CYB5RL: variants seen among roughly 807,000 people sequenced by gnomAD.
CYB5RL encodes cytochrome b5 reductase like.
A neutral mutation model predicts 37.5 loss-of-function variants in CYB5RL; 38 were observed. The ratio of observed to expected loss-of-function variants is 1.01; its 90% CI spans 0.78 to 1.33. The LOEUF is 1.33. CYB5RL is among the 40% of genes most tolerant of loss of function. The probability of loss-of-function intolerance (pLI) is 0.00; values close to 1 mark genes in which losing one functional copy is unlikely to be tolerated. For synonymous variants in CYB5RL, 141 were observed against 151.9 expected (o/e 0.93, Z 0.53); for missense variants, 388 against 394.4 (o/e 0.98, Z 0.14).
At position 54,191,609 on chromosome 1, in the gene CYB5RL, TA is replaced by T. The variant is rs1643955020; in HGVS notation, c.199-714del. Among the ~76,000 whole-genome samples the T allele has an allele frequency of 2.0e-5, 3 of 152,290 alleles. 1 individual carries two copies. The South Asian group carries it at 6.2e-4, about 32-fold the overall frequency. Reference sequence around the variant, plus strand: ...TCACAGATCTTTCTTTCCTGTAAAATACTCCATTTACTCCTGGGACCCCTCA... The same window carrying T: ...TCACAGATCTTTCTTTCCTGTAAAATCTCCATTTACTCCTGGGACCCCTCA... On this transcript the variant is annotated intron_variant, in intron 3 of 7. Transcript: ENST00000534324.
chr1:54,197,837 C>T (rs539557657), intron 1 of CYB5RL, among the ~76,000 whole-genome samples: 96 of 151,832 alleles, frequency 6.3e-4, no homozygotes, highest in East Asian at 4.1e-3. Context: ...CTGGCTAACA[C>T]GGTGAAACCC....
In CYB5RL at chr1:54,171,294, G is replaced by C. The variant is rs773012769; in HGVS notation, c.*3325C>G. On this transcript the variant is annotated 3_prime_UTR_variant, in exon 8 of 8. Transcript: ENST00000534324. ...GGAGCCTGAGAGGTGGGTGTGAGTG[G>C]GCGGTGGCATACAAAAAGTCTGGAG... The C allele has an allele frequency of 4.4e-6, 2 of 456,268 alleles. No homozygotes were observed. The highest frequency in any genetic ancestry group is 8.8e-6 in the Non-Finnish European group (2 of 226,838). The allele number at this position is 456,268 out of a possible 1,614,324, so 28.3% of individuals were successfully genotyped here. A position where few individuals can be genotyped will look rare whatever the true frequency, so the allele number is the denominator to read the frequency against.
chr1:54,180,179 G>C, intron 6 of CYB5RL: 2 of 416,232 alleles, frequency 4.8e-6, no homozygotes, highest in Non-Finnish European at 9.4e-6. Flanking sequence ...AGAGGTTGCA[G>C]TGAGTCGAGA....
chr1:54,170,277 A>G lies in CYB5RL; in HGVS notation c.*4342T>C, dbSNP rs1182927076. 5 of 149,684 alleles carry G rather than the reference A, an allele frequency of 3.3e-5. No homozygotes were observed. The highest frequency in any genetic ancestry group is 9.9e-5 in the African/African-American group (4 of 40,482). 9.3% of individuals were successfully genotyped at this position (149,684 alleles called of 1,614,324 possible). A position where few individuals can be genotyped will look rare whatever the true frequency, so the allele number is the denominator to read the frequency against. ...ACCACCATGCCCAGCTAATTTTTCT[A>G]TCTGTAGTAGAGACAGGGTTTCACC... On this transcript the variant is annotated 3_prime_UTR_variant, in exon 8 of 8. Transcript: ENST00000534324.
intron 7 of CYB5RL, among the ~76,000 whole-genome samples, chr1:54,177,791 G>T (rs1236029844): frequency 6.6e-6 from 1 of 152,216 alleles, no homozygotes; most frequent in Non-Finnish European, 1.5e-5. Flanking sequence ...AGCCGTCTCT[G>T]TGGCTGTCAC....
chr1:54,182,344 T>C (rs1310267982), intron 6 of CYB5RL, among the ~76,000 whole-genome samples: 1 of 152,194 alleles, frequency 6.6e-6, no homozygotes, highest in African/African-American at 2.4e-5. Flanking sequence ...TTATTATACA[T>C]ATATACTACA....
Position 54,173,803 on chromosome 1 carries a change from G to C in CYB5RL, c.*816C>G, listed in dbSNP as rs1022858038. 6.6e-6 allele frequency: 1 copy of C among 152,604 alleles called. No homozygotes were observed. Among genetic ancestry groups the C allele is most frequent in the South Asian group, 2.1e-4 (1 of 4,826 alleles). The allele number at this position is 152,604 out of a possible 1,614,324, so 9.5% of individuals were successfully genotyped here. A position where few individuals can be genotyped will look rare whatever the true frequency, so the allele number is the denominator to read the frequency against. On this transcript the variant is annotated 3_prime_UTR_variant, in exon 8 of 8. Transcript: ENST00000534324. ...TTCCTGGGGTGGGTGGACCGTGATCGGCAGCCGCTCAGTGGGACAAGCTGG... is the reference window on the plus strand; with the variant it reads ...TTCCTGGGGTGGGTGGACCGTGATCCGCAGCCGCTCAGTGGGACAAGCTGG...
chr1:54,189,995 T>G (rs910097665), intron 4 of CYB5RL, among the ~76,000 whole-genome samples: 1 of 152,198 alleles, frequency 6.6e-6, no homozygotes, highest in Non-Finnish European at 1.5e-5. Flanking sequence ...TGCACACATT[T>G]TCCCAAATGC....
intron 1 of CYB5RL, among the ~76,000 whole-genome samples, chr1:54,198,575 C>T (rs1644037707): frequency 6.6e-6 from 1 of 151,244 alleles, no homozygotes; most frequent in South Asian, 2.1e-4. Context: ...TCGTGATCCA[C>T]CTGCCTCGGC....
chr1:54,194,936 G>C (rs1366181014), intron 3 of CYB5RL, among the ~76,000 whole-genome samples: 1 of 152,212 alleles, frequency 6.6e-6, no homozygotes, highest in Admixed American at 6.5e-5. Flanking sequence ...GCTTAGTCCA[G>C]ACTATGAAGT....
rs1389052754 is a variant in CYB5RL at position 54,197,695 on chromosome 1, G to A, written c.-222-1204C>T. ...GGGTTTTCTCACTCTCAGTTGTTAG[G>A]GACAATCTGGCCCCTTTCCTAAATT... On this transcript the variant is annotated intron_variant, in intron 1 of 7. Coordinates refer to ENST00000534324, the MANE Select transcript of CYB5RL (RefSeq NM_001031672.4). 3.3e-5 allele frequency among the ~76,000 whole-genome samples: 5 copies of A among 152,056 alleles called. No homozygotes were observed. In the South Asian group the frequency reaches 8.3e-4, roughly 25 times the overall value.
rs1236506358 is a variant in CYB5RL at position 54,187,648 on chromosome 1, T to C, written c.435+4A>G. Reference sequence around the variant, plus strand: ...TCTTGGAGCATCCTCAAGGGTCAACTCACCTTAATTAACACTTCAAAGTAT... The same window carrying C: ...TCTTGGAGCATCCTCAAGGGTCAACCCACCTTAATTAACACTTCAAAGTAT... On this transcript the variant is annotated splice_donor_region_variant and intron_variant, in intron 5 of 7. Transcript: ENST00000534324. 1 of 1,613,750 alleles carries C rather than the reference T, an allele frequency of 6.2e-7. No homozygotes were observed. The highest frequency in any genetic ancestry group is 8.5e-7 in the Non-Finnish European group (1 of 1,179,760).
chr1:54,182,027 T>C (rs1020669494), intron 6 of CYB5RL, among the ~76,000 whole-genome samples: 1 of 152,084 alleles, frequency 6.6e-6, no homozygotes, highest in Non-Finnish European at 1.5e-5. Context: ...CCACAAGGCA[T>C]TGGGAGGCTC....
chr1:54,175,721 C>A, intron 7 of CYB5RL: 1 of 418,138 alleles, frequency 2.4e-6, no homozygotes, highest in Non-Finnish European at 4.8e-6. Flanking sequence ...AATAGAAACA[C>A]ACAAAAAATA....
chr1:54,191,516 G>A (rs758731638), intron 3 of CYB5RL, among the ~76,000 whole-genome samples: 1 of 152,162 alleles, frequency 6.6e-6, no homozygotes, highest in Non-Finnish European at 1.5e-5. Flanking sequence ...CTAAGTCTCA[G>A]CCCACTGCCT....
At position 54,174,232 on chromosome 1, in the gene CYB5RL, G is replaced by A. The variant is rs935322559; in HGVS notation, c.*387C>T. 4.9e-5 allele frequency: 13 copies of A among 267,984 alleles called. No homozygotes were observed. The highest frequency in any genetic ancestry group is 7.4e-5 in the Non-Finnish European group (10 of 134,818). 16.6% of individuals were successfully genotyped at this position (267,984 alleles called of 1,614,324 possible). A position where few individuals can be genotyped will look rare whatever the true frequency, so the allele number is the denominator to read the frequency against. ...AATCCGAGATGGTGCTGAGGCCACA[G>A]TTGGAGCCCCCATTAGATCCTCTAA... On this transcript the variant is annotated 3_prime_UTR_variant, in exon 8 of 8. Transcript: ENST00000534324.
Position 54,184,129 on chromosome 1 carries a change from A to G in CYB5RL, c.540+32T>C, listed in dbSNP as rs775140831. The stretch of plus-strand genomic sequence containing the variant: ...AACATGAAAACCACAGTCAACAGGG[A>G]TCTCCTGAAGATTTAAGGTGCTGGC... On this transcript the variant is annotated intron_variant, in intron 6 of 7. Transcript: ENST00000534324. 5 of 1,584,962 alleles carry G rather than the reference A, an allele frequency of 3.2e-6. No individual in the cohort carries two copies. The African/African-American group carries it at 5.4e-5, about 17-fold the overall frequency.
chr1:54,191,159 CCACT>C (rs1483341291), intron 3 of CYB5RL, among the ~76,000 whole-genome samples: 3 of 152,108 alleles, frequency 2.0e-5, no homozygotes, highest in Admixed American at 6.5e-5. Flanking sequence ...CCTTAGCTGC[CCACT>C]CAAAGGCCCT....
chr1:54,198,243 C>G (rs1051254045), intron 1 of CYB5RL, among the ~76,000 whole-genome samples: 16 of 151,812 alleles, frequency 1.1e-4, no homozygotes, highest in African/African-American at 3.9e-4. Context: ...TAGATCAACC[C>G]AATTCATTTT....
Sources: gnomAD v4.1 joint callset for allele counts (sites outside exome capture counted in the v4.1 genomes callset) on GRCh38, gnomAD v4.1.1 for gene constraint, MANE v1.5 for transcripts, NCBI Gene and HGNC (gene_info 2026-07-23, HGNC 2026-07-21) for gene names.